Variants in EYA2 observed in about 807,000 individuals in gnomAD.
EYA2 encodes the protein EYA transcriptional coactivator and phosphatase 2, also known as protein phosphatase EYA2.
In EYA2, 31 loss-of-function variants were observed where a neutral mutation model predicts 69.2. The ratio of observed to expected loss-of-function variants is 0.45; its 90% confidence interval spans 0.34 to 0.60. The LOEUF is 0.60. EYA2 is among the 20% of genes least tolerant of loss of function. The probability of loss-of-function intolerance (pLI) is 0.02; values close to 1 mark genes in which losing one functional copy is unlikely to be tolerated. For synonymous variants in EYA2, 257 were observed against 279.4 expected (o/e 0.92, Z 0.80); for missense variants, 622 against 701.2 (o/e 0.89, Z 1.28).
intron 5 of EYA2, among the ~76,000 whole-genome samples, chr20:47,055,610 C>T (rs2030573652): frequency 6.6e-6 from 1 of 152,200 alleles, no homozygotes; most frequent in Non-Finnish European, 1.5e-5. Context: ...CTGAATTTCA[C>T]TCGCTCTTGC....
intron 10 of EYA2, among the ~76,000 whole-genome samples, chr20:47,156,117 CACACACACACATAT>C (rs2033929588): frequency 3.7e-5 from 1 of 27,352 alleles, no homozygotes; most frequent in Non-Finnish European, 5.7e-5. Flanking sequence ...CACACACACA[CACACACACACATAT>C]ATATATATAT....
intron 5 of EYA2, among the ~76,000 whole-genome samples, chr20:47,026,318 ACT>A (rs1984080301): frequency 6.6e-6 from 1 of 152,226 alleles, no homozygotes; most frequent in Admixed American, 6.5e-5. Context: ...CCATAAAAAT[ACT>A]AGAACGAGAA....
rs186448006 is a variant in EYA2, at chr20:47,059,624, T to C, written c.416-12561T>C. 3.4e-3 allele frequency among the ~76,000 whole-genome samples: 522 copies of C among 152,312 alleles called. 1 individual carries two copies. The highest frequency in any genetic ancestry group is 0.01 in the Middle Eastern group (3 of 294). ...TTGGCCTCCCAAAGTGCTGGGATTA[T>C]AGGCATGAGCCACTGTACCTGGCCC... On this transcript the variant is annotated intron_variant, in intron 5 of 15. Transcript: ENST00000327619.
At chr20:46,972,783 C>T (rs1980218220) in intron 1 of EYA2, among the ~76,000 whole-genome samples, 1 of 151,978 alleles carries the variant, frequency 6.6e-6, no homozygotes, top group African/African-American at 2.4e-5. Flanking sequence ...CACCACTGTA[C>T]CAGGTTCCTG....
rs374005520 is a variant in EYA2 at position 47,001,428 on chromosome 20, G to A, written c.110G>A (p.Gly37Asp). Residue 37 changes from glycine to aspartate, a missense_variant and splice_region_variant, in exon 3 of 16, where the codon GGC becomes GAC. By Grantham distance (94) the Gly-to-Asp change is moderately conservative. Around this residue, in one of 2 missense-constraint regions of EYA2, gnomAD observed 365 missense variants for 349.7 expected, o/e 1.04. Transcript: ENST00000327619. ...AAVWTLSDRQ[G>D]ITKSAPLRVS... is the part of the protein sequence containing the mutation. ...TCCAATTTTTCTTTTTCTCCTGCAG[G>A]CATCACCAAATCGGCCCCCCTGAGA... 1.4e-5 allele frequency: 23 copies of A among 1,613,934 alleles called. No homozygotes were observed. The highest frequency in any genetic ancestry group is 1.9e-5 in the Non-Finnish European group (22 of 1,179,978).
intron 1 of EYA2, among the ~76,000 whole-genome samples, chr20:46,923,236 G>A (rs1273549842): frequency 6.6e-6 from 1 of 152,160 alleles, no homozygotes; most frequent in Non-Finnish European, 1.5e-5. Flanking sequence ...CGTGGTGGCA[G>A]ACACCTGTAA....
intron 11 of EYA2, among the ~76,000 whole-genome samples, chr20:47,171,520 C>T (rs535672522): frequency 2.6e-5 from 4 of 152,048 alleles, no homozygotes; most frequent in Admixed American, 6.6e-5. Context: ...TCCACAGTAA[C>T]CCTAGGAGAG....
intron 1 of EYA2, among the ~76,000 whole-genome samples, chr20:46,919,191 G>T (rs542379454): frequency 6.6e-6 from 1 of 152,200 alleles, no homozygotes; most frequent in Non-Finnish European, 1.5e-5. Context: ...AATGGTAAAT[G>T]AGCATTGGCT....
At chr20:46,940,872 A>G (rs1986126705) in intron 1 of EYA2, among the ~76,000 whole-genome samples, 2 of 152,228 alleles carry the variant, frequency 1.3e-5, no homozygotes, top group Admixed American at 1.3e-4. Flanking sequence ...ATCCACGGGC[A>G]ACCCGCAGAA....
At chr20:46,936,392 A>C (rs1286309963) in intron 1 of EYA2, among the ~76,000 whole-genome samples, 1 of 152,060 alleles carries the variant, frequency 6.6e-6, no homozygotes, top group Non-Finnish European at 1.5e-5. Flanking sequence ...AATCGCTTGA[A>C]CCCGGGAGGC....
intron 5 of EYA2, among the ~76,000 whole-genome samples, chr20:47,040,334 G>A (rs1257368559): frequency 6.6e-6 from 1 of 152,206 alleles, no homozygotes; most frequent in Non-Finnish European, 1.5e-5. Context: ...GAACGGTCTT[G>A]GCAGTCTTTG....
chr20:47,172,928 G>A, intron 12 of EYA2, 61 bp downstream of exon 12: 12 of 1,538,240 alleles, frequency 7.8e-6, no homozygotes, highest in Non-Finnish European at 1.1e-5. Context: ...GATGCTGTCA[G>A]TGTCCCTGCT....
At chr20:47,184,397 G>A (rs2034596182) in intron 15 of EYA2, among the ~76,000 whole-genome samples, 1 of 150,080 alleles carries the variant, frequency 6.7e-6, no homozygotes, top group Admixed American at 6.7e-5. Flanking sequence ...CCTACAAAGT[G>A]GGTATCATTG....
Position 46,914,659 on chromosome 20 carries a change from C to A in EYA2, c.-11+19672C>A, listed in dbSNP as rs6124891. Among the ~76,000 whole-genome samples the A allele has an allele frequency of 5.4e-3, 821 of 152,170 alleles. 4 individuals carry two copies. The highest frequency in any genetic ancestry group is 0.019 in the African/African-American group (776 of 41,504). ...AGACTAGGATGGGAGAAACCACCCC[C>A]GTGATTCAATTATCTCCACCTAGTC... On this transcript the variant is annotated intron_variant, in intron 1 of 15. Coordinates refer to ENST00000327619, the MANE Select transcript of EYA2 (RefSeq NM_005244.5).
chr20:46,976,714 A>G (rs544467557), intron 1 of EYA2, among the ~76,000 whole-genome samples: 1 of 152,226 alleles, frequency 6.6e-6, no homozygotes, highest in African/African-American at 2.4e-5. Context: ...AAAGCTTTCC[A>G]ATCAGGGAGT....
intron 9 of EYA2, among the ~76,000 whole-genome samples, chr20:47,130,754 G>A (rs930538792): frequency 1.3e-5 from 2 of 152,146 alleles, no homozygotes; most frequent in African/African-American, 4.8e-5. Context: ...ACAGAGATGG[G>A]ATGGACCATG....
chr20:47,097,039 C>A, intron 8 of EYA2, 46 bp from the exon 9 acceptor site: 1 of 1,365,302 alleles, frequency 7.3e-7, no homozygotes, highest in Non-Finnish European at 1.0e-6. Flanking sequence ...AAGTCAGATG[C>A]ACGTGAGTCC....
chr20:47,032,847 C>T (rs774684455), intron 5 of EYA2, among the ~76,000 whole-genome samples: 4 of 152,206 alleles, frequency 2.6e-5, no homozygotes, highest in Non-Finnish European at 4.4e-5. Flanking sequence ...GGCATTTAGC[C>T]ATTCCCCTTG....
At chr20:46,925,615 G>A (rs2146243595) in intron 1 of EYA2, among the ~76,000 whole-genome samples, 1 of 152,286 alleles carries the variant, frequency 6.6e-6, no homozygotes, top group South Asian at 2.1e-4. Context: ...AAAGAGATAT[G>A]CAATTAAAAT....
Sources: gnomAD v4.1 joint callset for allele counts (sites outside exome capture counted in the v4.1 genomes callset) on GRCh38, gnomAD v4.1.1 for gene constraint, gnomAD v4.1.1 regional missense constraint, MANE v1.5 for transcripts, NCBI Gene and HGNC (gene_info 2026-07-23, HGNC 2026-07-21) for gene names.